The following PIP4K2A variants were observed in gnomAD, a reference collection of about 807,000 sequenced individuals.
The protein encoded by PIP4K2A is phosphatidylinositol-5-phosphate 4-kinase type 2 alpha, also known as phosphatidylinositol 5-phosphate 4-kinase type-2 alpha.
In PIP4K2A, 14 loss-of-function variants were observed where a neutral mutation model predicts 42.9. The observed-to-expected ratio is 0.33, with a 90% CI of 0.22 to 0.51. The LOEUF (loss-of-function observed/expected upper bound fraction) is 0.51. Among genes scored for constraint, PIP4K2A ranks in the 20% least tolerant of loss-of-function variants. PIP4K2A has a pLI of 0.97. For missense variants in PIP4K2A, 434 were observed against 519.8 expected (o/e 0.83, Z 1.61); for synonymous variants, 192 against 192.2 (o/e 1.00, Z 0.01).
chr10:22,667,865 C>CTG (rs10603287), intron 1 of PIP4K2A, among the ~76,000 whole-genome samples: 3,630 of 132,484 alleles, frequency 0.027, 53 homozygotes, highest in East Asian at 0.034. Context: ...CAGTGAACTT[C>CTG]TGTGTGTGTG....
At chr10:22,694,277 T>G (rs1043009512) in intron 1 of PIP4K2A, 1 of 152,144 alleles carries the variant, frequency 6.6e-6, no homozygotes, top group African/African-American at 2.4e-5. Flanking sequence ...AAATGCAGCT[T>G]TTACCAACAC....
intron 1 of PIP4K2A, among the ~76,000 whole-genome samples, chr10:22,615,122 AT>A (rs149106908): frequency 0.019 from 2,931 of 150,668 alleles, 39 homozygotes; most frequent in Middle Eastern, 0.051. Context: ...TATTATCAGG[AT>A]TTTTTTTTTA....
rs572055143 is a variant in PIP4K2A, at chr10:22,705,114, A to G, written c.144+9069T>C. Among the ~76,000 whole-genome samples the G allele has an allele frequency of 3.9e-5, 6 of 152,184 alleles. No homozygotes were observed. In the South Asian group the frequency reaches 1.2e-3, roughly 32 times the overall value. ...GGACGGGGTGGGGGAAGTGGGGGACAGGACACTAGGTGAAGTTCAAGGAGA... is the reference window on the plus strand; with the variant it reads ...GGACGGGGTGGGGGAAGTGGGGGACGGGACACTAGGTGAAGTTCAAGGAGA... On this transcript the variant is annotated intron_variant, in intron 1 of 9. Transcript: ENST00000376573.
intron 5 of PIP4K2A, 58 bp from the exon 6 acceptor site, chr10:22,567,947 A>C: frequency 6.8e-7 from 1 of 1,467,576 alleles, no homozygotes. Flanking sequence ...TTTCACACGC[A>C]GAAAATATGA....
chr10:22,580,483 C>T (rs568690362), intron 4 of PIP4K2A, among the ~76,000 whole-genome samples: 1 of 151,942 alleles, frequency 6.6e-6, no homozygotes, highest in South Asian at 2.1e-4. Flanking sequence ...AACTCCATCT[C>T]AACAAAAAGA....
chr10:22,660,255 G>C (rs1428336656), intron 1 of PIP4K2A, among the ~76,000 whole-genome samples: 1 of 152,146 alleles, frequency 6.6e-6, no homozygotes, highest in East Asian at 1.9e-4. Flanking sequence ...CGGATTGCCT[G>C]AGCTCAGGAA....
chr10:22,537,237 C>T lies in PIP4K2A; in HGVS notation c.1185G>A (p.Lys395=), dbSNP rs1469688034. Residue 395 remains lysine, a synonymous_variant, in exon 10 of 10, where the codon AAG becomes AAA. Transcript: ENST00000376573. ...TGTGGCCAATAAAGTCCAAAAAGCG[C>T]TTTGAATACTGTTCTGGGTTCACGG... The part of the protein sequence containing the change: ...ISTVNPEQYS[K]RFLDFIGHIL... The T allele has an allele frequency of 2.5e-6, 4 of 1,607,098 alleles. No individual in the cohort carries two copies. The highest frequency in any genetic ancestry group is 2.6e-6 in the Non-Finnish European group (3 of 1,175,980).
At chr10:22,664,500 T>C (rs996277539) in intron 1 of PIP4K2A, among the ~76,000 whole-genome samples, 3 of 151,578 alleles carry the variant, frequency 2.0e-5, no homozygotes, top group Non-Finnish European at 4.4e-5. Flanking sequence ...GCCTTTATGC[T>C]TGCCAATTTT....
intron 1 of PIP4K2A, among the ~76,000 whole-genome samples, chr10:22,706,441 C>T (rs551233754): frequency 5.9e-5 from 9 of 152,324 alleles, no homozygotes; most frequent in African/African-American, 1.4e-4. Flanking sequence ...CTGACCCCTC[C>T]GCCTGAAATG....
intron 1 of PIP4K2A, among the ~76,000 whole-genome samples, chr10:22,623,061 A>G (rs1682351709): frequency 6.6e-6 from 1 of 152,222 alleles, no homozygotes; most frequent in Non-Finnish European, 1.5e-5. Flanking sequence ...CACCGGGGCA[A>G]ATAATTATGT....
Position 22,695,122 on chromosome 10 carries a change from C to A in PIP4K2A, c.144+19061G>T, listed in dbSNP as rs148949365. ...TTCACCATTTTTAAAAACAGTGATA[C>A]AAACTCATCCACATAACCTTCATTT... On this transcript the variant is annotated intron_variant, in intron 1 of 9. Coordinates refer to ENST00000376573, the MANE Select transcript of PIP4K2A (RefSeq NM_005028.5). 4.8e-3 allele frequency among the ~76,000 whole-genome samples: 730 copies of A among 152,268 alleles called. 5 individuals carry two copies. Among genetic ancestry groups the A allele is most frequent in the African/African-American group, 0.017 (705 of 41,566 alleles).
intron 1 of PIP4K2A, among the ~76,000 whole-genome samples, chr10:22,652,279 T>C (rs1839012273): frequency 6.6e-6 from 1 of 151,946 alleles, no homozygotes; most frequent in Non-Finnish European, 1.5e-5. Context: ...CGCACCACCA[T>C]GCCTATTTTT....
rs182726505 is a variant in PIP4K2A, at chr10:22,537,147, C to T, written c.*54G>A. The T allele has an allele frequency of 1.5e-4, 207 of 1,397,006 alleles. 2 individuals are homozygous for T. The African/African-American group carries it at 2.3e-3, about 15-fold the overall frequency. The allele number at this position is 1,397,006 out of a possible 1,614,324, so 86.5% of individuals were successfully genotyped here. A position where few individuals can be genotyped will look rare whatever the true frequency, so the allele number is the denominator to read the frequency against. ...AGTTTGGTTTTCATTTTTCCTACACCGAAGCCACCTCTGTCCATCCAATGT... is the reference window on the plus strand; with the variant it reads ...AGTTTGGTTTTCATTTTTCCTACACTGAAGCCACCTCTGTCCATCCAATGT... On this transcript the variant is annotated 3_prime_UTR_variant, in exon 10 of 10. Transcript: ENST00000376573.
intron 1 of PIP4K2A, among the ~76,000 whole-genome samples, chr10:22,700,559 G>A (rs1323190687): frequency 2.0e-5 from 3 of 152,142 alleles, no homozygotes; most frequent in Admixed American, 2.0e-4. Context: ...CAGAAAATGA[G>A]CCTCCTCTGT....
At position 22,650,003 on chromosome 10, in the gene PIP4K2A, T is replaced by G. The variant is rs1357887422; in HGVS notation, c.145-40286A>C. ...TGGTTCTATCTGCCTTCCTCATTAG[T>G]CCATCAACTCCTTGGGGACAGGGAC... On this transcript the variant is annotated intron_variant, in intron 1 of 9. Transcript: ENST00000376573. Among the ~76,000 whole-genome samples the G allele has an allele frequency of 2.6e-5, 4 of 152,152 alleles. No homozygotes were observed. The East Asian group carries it at 7.7e-4, about 29-fold the overall frequency.
chr10:22,713,382 G>T (rs1488647886), intron 1 of PIP4K2A, among the ~76,000 whole-genome samples: 1 of 151,640 alleles, frequency 6.6e-6, no homozygotes, highest in African/African-American at 2.4e-5. Flanking sequence ...CGGGACCCCC[G>T]CCTGCTGTCC....
chr10:22,638,021 G>A (rs905214157), intron 1 of PIP4K2A, among the ~76,000 whole-genome samples: 4 of 152,080 alleles, frequency 2.6e-5, no homozygotes, highest in South Asian at 2.1e-4. Context: ...GCCGCAATTC[G>A]ATCGGCTAAT....
intron 1 of PIP4K2A, among the ~76,000 whole-genome samples, chr10:22,654,895 A>G (rs1433044499): frequency 6.6e-6 from 1 of 152,186 alleles, no homozygotes; most frequent in Non-Finnish European, 1.5e-5. Context: ...CTACGGCAAA[A>G]GTGGGCCTGG....
intron 8 of PIP4K2A, 52 bp downstream of exon 8, chr10:22,541,752 C>T: frequency 6.7e-7 from 1 of 1,495,612 alleles, no homozygotes; most frequent in East Asian, 2.4e-5. Flanking sequence ...GATAACAAGG[C>T]CAAAGTCAAA....
Sources: gnomAD v4.1 joint callset for allele counts (sites outside exome capture counted in the v4.1 genomes callset) on GRCh38, gnomAD v4.1.1 for gene constraint, MANE v1.5 for transcripts, NCBI Gene and HGNC (gene_info 2026-07-23, HGNC 2026-07-21) for gene names.